Variants in PDZRN3 observed in about 807,000 individuals in gnomAD.
PDZRN3 encodes PDZ domain containing ring finger 3, also known as E3 ubiquitin-protein ligase PDZRN3.
Under a neutral mutation model 85.7 loss-of-function variants are expected in PDZRN3, and 38 were observed. That is an observed-to-expected ratio of 0.44 (90% confidence interval 0.34 to 0.58). PDZRN3 has a LOEUF of 0.58. Ranked by LOEUF, PDZRN3 falls within the 20% of genes least tolerant of loss-of-function variation. PDZRN3 has a pLI of 0.01. For synonymous variants in PDZRN3, 759 were observed against 638.0 expected (o/e 1.19, Z -2.86); for missense variants, 1,629 against 1,506.4 (o/e 1.08, Z -1.35).
chr3:73,515,238 C>G (rs1008263972), intron 3 of PDZRN3, among the ~76,000 whole-genome samples: 1 of 143,518 alleles, frequency 7.0e-6, no homozygotes, highest in Non-Finnish European at 1.5e-5. Context: ...TGCAGTGGCG[C>G]GATCTCGGCT....
chr3:73,584,429 A>AGTG (rs1559748364), intron 3 of PDZRN3, among the ~76,000 whole-genome samples: 1 of 150,026 alleles, frequency 6.7e-6, no homozygotes, highest in Non-Finnish European at 1.5e-5. Flanking sequence ...TTCCAGCACA[A>AGTG]GTTAAGTGGT....
intron 3 of PDZRN3, among the ~76,000 whole-genome samples, chr3:73,595,604 C>A (rs927079576): frequency 4.6e-5 from 7 of 151,952 alleles, no homozygotes; most frequent in Non-Finnish European, 8.8e-5. Flanking sequence ...TCTCCAAAAC[C>A]AAACCAAAAA....
chr3:73,383,272 T>C lies in PDZRN3; in HGVS notation c.*93A>G, dbSNP rs1703289492. 5.1e-6 allele frequency: 6 copies of C among 1,187,212 alleles called. No individual in the cohort carries two copies. The highest frequency in any genetic ancestry group is 7.2e-6 in the Non-Finnish European group (6 of 833,228). 73.5% of individuals were successfully genotyped at this position (1,187,212 alleles called of 1,614,324 possible). A position where few individuals can be genotyped will look rare whatever the true frequency, so the allele number is the denominator to read the frequency against. On this transcript the variant is annotated 3_prime_UTR_variant, in exon 10 of 10. Coordinates refer to ENST00000263666, the MANE Select transcript of PDZRN3 (RefSeq NM_015009.3). ...ACTATAAACATGAAGACCGTACTTA[T>C]CTTATATACAAAAACTTGCCGCATT...
chr3:73,462,387 C>A (rs1703123128), intron 3 of PDZRN3, among the ~76,000 whole-genome samples: 1 of 151,330 alleles, frequency 6.6e-6, no homozygotes, highest in Non-Finnish European at 1.5e-5. Context: ...ACTAAAAATA[C>A]AAAAAAAATT....
chr3:73,537,786 A>ATT (rs11387585), intron 3 of PDZRN3, among the ~76,000 whole-genome samples: 2,754 of 137,228 alleles, frequency 0.02, 82 homozygotes, highest in African/African-American at 0.067. Context: ...CACCCGGCTA[A>ATT]TTTTTTTTTT....
At chr3:73,577,218 GA>G (rs1702138707) in intron 3 of PDZRN3, among the ~76,000 whole-genome samples, 1 of 152,128 alleles carries the variant, frequency 6.6e-6, no homozygotes, top group Non-Finnish European at 1.5e-5. Context: ...GAATCTAAAG[GA>G]AAGCTTGATA....
chr3:73,546,846 T>A (rs1344469795), intron 3 of PDZRN3, among the ~76,000 whole-genome samples: 1 of 152,220 alleles, frequency 6.6e-6, no homozygotes, highest in Non-Finnish European at 1.5e-5. Flanking sequence ...ATATAATTTG[T>A]AAGTGAGCGG....
chr3:73,544,832 T>G (rs979357067), intron 3 of PDZRN3, among the ~76,000 whole-genome samples: 1 of 152,204 alleles, frequency 6.6e-6, no homozygotes, highest in African/African-American at 2.4e-5. Context: ...AGGAGCTGAT[T>G]ATATGCCAGG....
intron 9 of PDZRN3, 128 bp from the exon 10 acceptor site, chr3:73,385,058 G>C: frequency 1.9e-6 from 2 of 1,057,198 alleles, no homozygotes; most frequent in East Asian, 5.0e-5. Flanking sequence ...GACAGCATCT[G>C]ACAGTAGGAC....
chr3:73,569,536 T>C, intron 3 of PDZRN3: 1 of 1,052,232 alleles, frequency 9.5e-7, no homozygotes, highest in Non-Finnish European at 1.1e-6. Flanking sequence ...CAGTGAAGCT[T>C]TCTCAGAAGC....
intron 3 of PDZRN3, among the ~76,000 whole-genome samples, chr3:73,466,769 A>T (rs1173170307): frequency 6.6e-6 from 1 of 152,048 alleles, no homozygotes; most frequent in Non-Finnish European, 1.5e-5. Flanking sequence ...AAAACCATAC[A>T]CCCCCAATGA....
chr3:73,426,084 G>T (rs1702309349), intron 3 of PDZRN3, among the ~76,000 whole-genome samples: 1 of 152,150 alleles, frequency 6.6e-6, no homozygotes, highest in African/African-American at 2.4e-5. Context: ...ATTTGTAGGA[G>T]CAGGGGGTGT....
chr3:73,621,057 A>T (rs1041525282), intron 1 of PDZRN3, among the ~76,000 whole-genome samples: 1 of 152,212 alleles, frequency 6.6e-6, no homozygotes, highest in African/African-American at 2.4e-5. Context: ...CTGGGAGCTC[A>T]TTGGAAATGC....
intron 3 of PDZRN3, among the ~76,000 whole-genome samples, chr3:73,564,152 T>C (rs1257445792): frequency 6.6e-6 from 1 of 152,196 alleles, no homozygotes; most frequent in East Asian, 1.9e-4. Flanking sequence ...ATCCCAAATA[T>C]GGGGACTGAA....
chr3:73,394,176 T>C (rs1343644937), intron 5 of PDZRN3, among the ~76,000 whole-genome samples: 1 of 152,264 alleles, frequency 6.6e-6, no homozygotes, highest in Non-Finnish European at 1.5e-5. Context: ...GCTTCCTTCC[T>C]TACACACTTT....
intron 3 of PDZRN3, among the ~76,000 whole-genome samples, chr3:73,486,062 A>G (rs1400926107): frequency 6.6e-6 from 1 of 152,238 alleles, no homozygotes; most frequent in Non-Finnish European, 1.5e-5. Flanking sequence ...AAAAACCTTT[A>G]TCTTCATCAG....
chr3:73,486,704 T>G (rs1310492344), intron 3 of PDZRN3, among the ~76,000 whole-genome samples: 1 of 152,226 alleles, frequency 6.6e-6, no homozygotes. Context: ...GTTTCCTCAA[T>G]GTAGCATTGG....
chr3:73,385,186 A>G (rs572881353), intron 9 of PDZRN3, among the ~76,000 whole-genome samples: 24 of 152,282 alleles, frequency 1.6e-4, no homozygotes, highest in African/African-American at 5.8e-4. Context: ...ATCTCAATGA[A>G]TGATTCTCAA....
intron 3 of PDZRN3, among the ~76,000 whole-genome samples, chr3:73,553,892 A>G (rs1280949613): frequency 6.6e-6 from 1 of 152,240 alleles, no homozygotes; most frequent in Non-Finnish European, 1.5e-5. Flanking sequence ...ACACATGACC[A>G]GGAAGTTCAT....
Sources: gnomAD v4.1 joint callset for allele counts (sites outside exome capture counted in the v4.1 genomes callset) on GRCh38, gnomAD v4.1.1 for gene constraint, MANE v1.5 for transcripts, NCBI Gene and HGNC (gene_info 2026-07-23, HGNC 2026-07-21) for gene names.